Variants in TEAD1 observed in about 807,000 individuals in gnomAD.
TEAD1 encodes the protein transcriptional enhancer factor TEF-1.
TEAD1 carries 9 observed loss-of-function variants against 54.9 expected under a neutral mutation model. The observed-to-expected ratio is 0.16, with a 90% CI of 0.10 to 0.29. The LOEUF (loss-of-function observed/expected upper bound fraction) is 0.29. Ranked by LOEUF, TEAD1 falls within the 10% of genes least tolerant of loss-of-function variation. The probability of loss-of-function intolerance (pLI) is 1.00; values close to 1 mark genes in which losing one functional copy is unlikely to be tolerated. For synonymous variants in TEAD1, 200 were observed against 187.8 expected (o/e 1.07, Z -0.53); for missense variants, 387 against 535.9 (o/e 0.72, Z 2.74).
Position 12,943,626 on chromosome 11 carries a change from T to C in TEAD1, c.*6404T>C, listed in dbSNP as rs1158348729. ...TATCATGAAATGGGGTCAGATTCCA[T>C]CAGATTCCACCTCTGTCAGGTGGAC... On this transcript the variant is annotated 3_prime_UTR_variant, in exon 13 of 13. Coordinates refer to ENST00000527636, the MANE Select transcript of TEAD1 (RefSeq NM_021961.6). 6.6e-6 allele frequency: 1 copy of C among 152,206 alleles called. No homozygotes were observed. The highest frequency in any genetic ancestry group is 1.5e-5 in the Non-Finnish European group (1 of 68,046). 9.4% of individuals were successfully genotyped at this position (152,206 alleles called of 1,614,324 possible).
At chr11:12,933,655 T>C (rs962424495) in intron 12 of TEAD1, among the ~76,000 whole-genome samples, 4 of 152,202 alleles carry the variant, frequency 2.6e-5, no homozygotes, top group Non-Finnish European at 5.9e-5. Context: ...TGTATTCTTA[T>C]TTAATAGAAA....
intron 3 of TEAD1, chr11:12,848,909 C>T (rs1455869901): frequency 1.3e-5 from 2 of 151,986 alleles, no homozygotes; most frequent in Non-Finnish European, 2.9e-5. Flanking sequence ...ATGATCACAC[C>T]ACTGTACTCC....
At chr11:12,714,796 G>A (rs1944019556) in intron 2 of TEAD1, among the ~76,000 whole-genome samples, 2 of 152,272 alleles carry the variant, frequency 1.3e-5, no homozygotes, top group Admixed American at 1.3e-4. Flanking sequence ...TCTTCTTGCT[G>A]TGTCCTTGGG....
At chr11:12,683,998 G>A (rs1943278957) in intron 2 of TEAD1, among the ~76,000 whole-genome samples, 1 of 152,172 alleles carries the variant, frequency 6.6e-6, no homozygotes, top group Admixed American at 6.5e-5. Flanking sequence ...TGAATGCTCA[G>A]TAAATAGCAA....
At chr11:12,859,844 C>T (rs527737447) in intron 3 of TEAD1, among the ~76,000 whole-genome samples, 147 of 152,158 alleles carry the variant, frequency 9.7e-4, no homozygotes, top group African/African-American at 3.2e-3. Flanking sequence ...TATCAGAAGA[C>T]GAGCCCGTAT....
chr11:12,920,763 A>G (rs1430656684), intron 10 of TEAD1, among the ~76,000 whole-genome samples: 1 of 152,236 alleles, frequency 6.6e-6, no homozygotes, highest in Non-Finnish European at 1.5e-5. Flanking sequence ...TAGGAATTTA[A>G]AGTTGAAAGA....
In TEAD1 at chr11:12,938,214, T is replaced by A. The variant is rs868607103; in HGVS notation, c.*992T>A. On this transcript the variant is annotated 3_prime_UTR_variant, in exon 13 of 13. Coordinates refer to ENST00000527636, the MANE Select transcript of TEAD1 (RefSeq NM_021961.6). ...AACAAAATTTTAAAATTGGCATGAA[T>A]ACGGAATACTGCACTGTGAGATGCA... 6.6e-6 allele frequency: 1 copy of A among 152,608 alleles called. No individual in the cohort carries two copies. Among genetic ancestry groups the A allele is most frequent in the Admixed American group, 6.5e-5 (1 of 15,276 alleles). The allele number at this position is 152,608 out of a possible 1,614,324, so 9.5% of individuals were successfully genotyped here.
At chr11:12,760,468 C>T (rs753703550) in intron 2 of TEAD1, among the ~76,000 whole-genome samples, 3 of 152,054 alleles carry the variant, frequency 2.0e-5, no homozygotes, top group Non-Finnish European at 4.4e-5. Context: ...TCATATATTC[C>T]CCTCCCTTCC....
intron 3 of TEAD1, among the ~76,000 whole-genome samples, chr11:12,796,572 A>G (rs1945930095): frequency 6.6e-6 from 1 of 151,882 alleles, no homozygotes; most frequent in Non-Finnish European, 1.5e-5. Flanking sequence ...AAAAAATACA[A>G]AAATTAGCTG....
At chr11:12,709,168 T>C (rs1943880927) in intron 2 of TEAD1, among the ~76,000 whole-genome samples, 1 of 152,110 alleles carries the variant, frequency 6.6e-6, no homozygotes, top group Non-Finnish European at 1.5e-5. Context: ...TGAAACCCTG[T>C]CTCTACTAAA....
intron 2 of TEAD1, among the ~76,000 whole-genome samples, chr11:12,746,705 G>T (rs557725308): frequency 1.3e-5 from 2 of 152,108 alleles, no homozygotes; most frequent in African/African-American, 4.8e-5. Context: ...CACTTGGCCC[G>T]CATGCGTGGT....
intron 5 of TEAD1, among the ~76,000 whole-genome samples, chr11:12,868,189 A>C (rs1160173044): frequency 6.6e-6 from 1 of 152,192 alleles, no homozygotes; most frequent in Non-Finnish European, 1.5e-5. Context: ...AGGGTGTGGC[A>C]GAGTTCTTTG....
At chr11:12,902,431 AGAGAG>A (rs1948442006) in intron 10 of TEAD1, among the ~76,000 whole-genome samples, 1 of 152,266 alleles carries the variant, frequency 6.6e-6, no homozygotes. Flanking sequence ...TGTAAGCATC[AGAGAG>A]GAAACAGAAT....
chr11:12,699,078 A>T (rs1564910840), intron 2 of TEAD1, among the ~76,000 whole-genome samples: 1 of 152,196 alleles, frequency 6.6e-6, no homozygotes, highest in African/African-American at 2.4e-5. Flanking sequence ...ATATAATTGG[A>T]TACGTCTCCA....
chr11:12,698,943 G>A (rs1247987519), intron 2 of TEAD1, among the ~76,000 whole-genome samples: 1 of 152,178 alleles, frequency 6.6e-6, no homozygotes, highest in Admixed American at 6.5e-5. Context: ...TTAGTTGTAA[G>A]TTGGATTTAT....
rs963673687 is a variant in TEAD1, at chr11:12,881,196, G to C, written c.512+145G>C. 5 of 893,108 alleles carry C rather than the reference G, an allele frequency of 5.6e-6. No homozygotes were observed. In the African/African-American group the frequency reaches 8.3e-5, roughly 15 times the overall value. 55.3% of individuals were successfully genotyped at this position (893,108 alleles called of 1,614,324 possible). On this transcript the variant is annotated intron_variant, in intron 7 of 12. Transcript: ENST00000527636. ...TCCCAGAAGGCATCCCCTTTTTATTGTGTACTTAGGCCCCTGGCAGGAAAG... is the reference window on the plus strand; with the variant it reads ...TCCCAGAAGGCATCCCCTTTTTATTCTGTACTTAGGCCCCTGGCAGGAAAG...
chr11:12,912,650 A>C (rs1948637917), intron 10 of TEAD1, among the ~76,000 whole-genome samples: 1 of 152,212 alleles, frequency 6.6e-6, no homozygotes, highest in African/African-American at 2.4e-5. Context: ...AGTAGGAATG[A>C]AATCATGGAT....
At chr11:12,683,279 C>T (rs934503675) in intron 2 of TEAD1, among the ~76,000 whole-genome samples, 4 of 152,274 alleles carry the variant, frequency 2.6e-5, no homozygotes, top group South Asian at 2.1e-4. Flanking sequence ...TGCATCTTAT[C>T]GGCAGTCATG....
chr11:12,836,638 G>A (rs1168887402), intron 3 of TEAD1, among the ~76,000 whole-genome samples: 4 of 152,210 alleles, frequency 2.6e-5, no homozygotes, highest in South Asian at 4.2e-4. Flanking sequence ...ATATGCTACA[G>A]GATTGCTAAT....
Sources: allele counts gnomAD v4.1 joint callset (sites outside exome capture counted in the v4.1 genomes callset), GRCh38; gene constraint gnomAD v4.1.1; transcripts MANE v1.5; gene names NCBI Gene and HGNC (gene_info 2026-07-23, HGNC 2026-07-21).